MTMR9: variants seen among roughly 807,000 people sequenced by gnomAD.
MTMR9 encodes the protein myotubularin related protein 9, also known as myotubularin-related protein 9.
A neutral mutation model predicts 69.5 loss-of-function variants in MTMR9; 39 were observed. The observed-to-expected ratio is 0.56, with a 90% CI of 0.43 to 0.73. The LOEUF (loss-of-function observed/expected upper bound fraction) is 0.73. MTMR9 is among the 30% of genes least tolerant of loss of function. MTMR9 has a pLI of 0.00. For missense variants in MTMR9, 900 were observed against 671.2 expected, an observed-to-expected ratio of 1.34 and a Z score of -3.77; for synonymous variants, 354 against 240.8, an observed-to-expected ratio of 1.47 and a Z score of -4.35.
chr8:11,335,829 T>G, the MTMR9 span, among the ~76,000 whole-genome samples: 2 of 152,182 alleles, frequency 1.3e-5, no homozygotes, highest in African/African-American at 4.8e-5. Flanking sequence ...TATTTTCTAG[T>G]CTTACTGGAT....
chr8:11,297,812 G>A, intron 2 of MTMR9: 1 of 454,712 alleles, frequency 2.2e-6, no homozygotes, highest in Admixed American at 2.4e-5. Context: ...GAGCTCATTT[G>A]ACCTCAGAAA....
chr8:11,288,699 G>C (rs145379331), intron 1 of MTMR9, among the ~76,000 whole-genome samples: 1 of 152,234 alleles, frequency 6.6e-6, no homozygotes, highest in East Asian at 1.9e-4. Flanking sequence ...TGGTCAGACC[G>C]TGGAGGGCCT....
chr8:11,301,059 A>T (rs1042110770), intron 3 of MTMR9, among the ~76,000 whole-genome samples: 3 of 152,246 alleles, frequency 2.0e-5, no homozygotes, highest in Non-Finnish European at 1.5e-5. Flanking sequence ...TTGCAGAAAC[A>T]AGTAGCAGGC....
At chr8:11,316,989 A>T in intron 8 of MTMR9, 96 bp downstream of exon 8, 1 of 678,170 alleles carries the variant, frequency 1.5e-6, no homozygotes, top group East Asian at 2.7e-5. Context: ...ATTTGGATCT[A>T]TATTAAAATT....
At chr8:11,336,524 A>T in the MTMR9 span, among the ~76,000 whole-genome samples, 1 of 152,208 alleles carries the variant, frequency 6.6e-6, no homozygotes, top group African/African-American at 2.4e-5. Flanking sequence ...CCTTGTCATT[A>T]ATCTTCCAAT....
intron 1 of MTMR9, among the ~76,000 whole-genome samples, chr8:11,289,120 T>G (rs1267076904): frequency 6.6e-6 from 1 of 152,166 alleles, no homozygotes; most frequent in African/African-American, 2.4e-5. Flanking sequence ...TGCAGTAAAC[T>G]GAGATTGCAC....
rs991143639 is a variant in MTMR9, at chr8:11,289,697, C to T, written c.182+4627C>T. On this transcript the variant is annotated intron_variant, in intron 1 of 9. Coordinates refer to ENST00000221086, the MANE Select transcript of MTMR9 (RefSeq NM_015458.4). The stretch of plus-strand genomic sequence containing the variant: ...GATAGCACTATTGTGTATGGGTGTG[C>T]GCACACATGCATGTGTGAGTTTAAT... 2.0e-5 allele frequency among the ~76,000 whole-genome samples: 3 copies of T among 152,218 alleles called. No individual in the cohort carries two copies. In the South Asian group the frequency reaches 6.2e-4, roughly 32 times the overall value.
intron 2 of MTMR9, among the ~76,000 whole-genome samples, chr8:11,299,112 G>A (rs60371054): frequency 1.2e-3 from 182 of 152,292 alleles, no homozygotes; most frequent in African/African-American, 4.2e-3. Context: ...CAGATCACCT[G>A]AGGTCAGGAG....
intron 1 of MTMR9, 175 bp downstream of exon 1, chr8:11,285,245 CG>C: frequency 1.7e-6 from 1 of 592,004 alleles, no homozygotes; most frequent in Admixed American, 3.5e-5. Context: ...ATGGAGGACC[CG>C]GTTTCCATTA....
intron 2 of MTMR9, 59 bp downstream of exon 2, chr8:11,295,361 G>C (rs1799517334): frequency 2.1e-6 from 2 of 958,724 alleles, no homozygotes; most frequent in East Asian, 2.4e-5. Flanking sequence ...ACTCAGTGTA[G>C]CTCTTCCATT....
chr8:11,330,954 C>T (rs1801193885), downstream of MTMR9: 1 of 1,306,180 alleles, frequency 7.7e-7, no homozygotes, highest in East Asian at 2.6e-5. Context: ...AGAAAAGAAG[C>T]AGAGTTGGAC....
the MTMR9 span, among the ~76,000 whole-genome samples, chr8:11,334,197 G>A: frequency 1.3e-5 from 2 of 152,114 alleles, no homozygotes; most frequent in African/African-American, 2.4e-5. Context: ...TGTTATAGTA[G>A]CAGAAAAATG....
In MTMR9 at chr8:11,304,930, T is replaced by C. The variant is rs1444766237; in HGVS notation, c.507T>C (p.Asp169=). The C allele has an allele frequency of 1.2e-6, 2 of 1,614,002 alleles. No homozygotes were observed. The highest frequency in any genetic ancestry group is 2.7e-5 in the African/African-American group (2 of 74,920). The change falls in exon 4 of 10, where the codon GAT becomes GAC. Residue 169 remains aspartate (D), a synonymous_variant. Coordinates refer to ENST00000221086, the MANE Select transcript of MTMR9 (RefSeq NM_015458.4). ...PPIVTVPKSI[D]DEALRKVATF... ...TTGTCACAGTGCCCAAATCCATCGA[T>C]GATGAAGCTCTTCGGAAGGTAGCTA...
chr8:11,314,368 G>A (rs1465146475), intron 6 of MTMR9, among the ~76,000 whole-genome samples: 10 of 152,114 alleles, frequency 6.6e-5, no homozygotes, highest in African/African-American at 1.9e-4. Context: ...TTTCTAGATT[G>A]ACACTTTTAT....
At chr8:11,294,539 T>A (rs544702228) in intron 1 of MTMR9, among the ~76,000 whole-genome samples, 9 of 143,928 alleles carry the variant, frequency 6.3e-5, no homozygotes, top group Middle Eastern at 3.5e-3. Flanking sequence ...CTCAACTCTG[T>A]CACCTAGGCT....
Position 11,324,590 on chromosome 8 carries a change from G to T in MTMR9, c.*1802G>T, listed in dbSNP as rs1800839955. 1 of 151,284 alleles carries T rather than the reference G, an allele frequency of 6.6e-6. No homozygotes were observed. Among genetic ancestry groups the T allele is most frequent in the Admixed American group, 6.6e-5 (1 of 15,202 alleles). 9.4% of individuals were successfully genotyped at this position (151,284 alleles called of 1,614,324 possible). Reference sequence around the variant, plus strand: ...GCTTGCTATGTCTGTTAATACAGCTGAGCTTTTTGTTTTCTTCTCTTTTTG... The same window carrying T: ...GCTTGCTATGTCTGTTAATACAGCTTAGCTTTTTGTTTTCTTCTCTTTTTG... On this transcript the variant is annotated 3_prime_UTR_variant, in exon 10 of 10. Coordinates refer to ENST00000221086, the MANE Select transcript of MTMR9 (RefSeq NM_015458.4).
intron 5 of MTMR9, among the ~76,000 whole-genome samples, chr8:11,307,691 A>G (rs989940293): frequency 6.6e-6 from 1 of 152,218 alleles, no homozygotes; most frequent in Non-Finnish European, 1.5e-5. Flanking sequence ...CCTTTTGTCC[A>G]TATTCTCAAC....
chr8:11,287,767 A>C (rs1400294070), intron 1 of MTMR9, among the ~76,000 whole-genome samples: 2 of 130,126 alleles, frequency 1.5e-5, no homozygotes, highest in African/African-American at 3.0e-5. Context: ...TTATTTATTT[A>C]TTATATATTT....
the MTMR9 span, among the ~76,000 whole-genome samples, chr8:11,336,729 C>T: frequency 6.6e-6 from 1 of 152,196 alleles, no homozygotes; most frequent in African/African-American, 2.4e-5. Context: ...AGGAAATCTT[C>T]AGGACGCCAG....
Sources: gnomAD v4.1 joint callset for allele counts (sites outside exome capture counted in the v4.1 genomes callset) on GRCh38, gnomAD v4.1.1 for gene constraint, MANE v1.5 for transcripts, NCBI Gene and HGNC (gene_info 2026-07-23, HGNC 2026-07-21) for gene names.